C12orf76: variants seen among roughly 807,000 people sequenced by gnomAD.
C12orf76 encodes the protein chromosome 12 open reading frame 76, also known as uncharacterized protein C12orf76.
In C12orf76, 6 loss-of-function variants were observed where a neutral mutation model predicts 6.8. The observed-to-expected ratio is 0.88, with a 90% confidence interval of 0.48 to 1.73. C12orf76 has a LOEUF of 1.73. Among genes scored for constraint, C12orf76 ranks in the 40% most tolerant of loss-of-function variants. The probability of loss-of-function intolerance (pLI) is 0.01; values close to 1 mark genes in which losing one functional copy is unlikely to be tolerated. For synonymous variants in C12orf76, 56 were observed against 43.7 expected, an observed-to-expected ratio of 1.28 and a Z score of -1.11; for missense variants, 99 against 98.2, an observed-to-expected ratio of 1.01 and a Z score of -0.03.
At chr12:110,045,983 TA>T in intron 1 of C12orf76, 2 of 188,476 alleles carry the variant, frequency 1.1e-5, no homozygotes, top group Admixed American at 5.3e-5. Flanking sequence ...AAATAAAGTT[TA>T]AAAAGGAGCT....
intron 3 of C12orf76, among the ~76,000 whole-genome samples, chr12:110,058,065 CAAAAAAAA>C (rs59838926): frequency 5.1e-4 from 27 of 52,672 alleles, no homozygotes; most frequent in Admixed American, 4.9e-3. Flanking sequence ...GACTCGGTCT[CAAAAAAAA>C]AAAAAAAAAA....
At chr12:110,048,599 G>A, upstream of C12orf76, 2 of 1,317,454 alleles carry the variant, frequency 1.5e-6, no homozygotes, top group Non-Finnish European at 1.9e-6. Context: ...TAGGGCGCGC[G>A]TCATTGCCAT....
intron 1 of C12orf76, among the ~76,000 whole-genome samples, chr12:110,046,115 G>A (rs541569027): frequency 6.6e-6 from 1 of 152,054 alleles, no homozygotes; most frequent in East Asian, 1.9e-4. Flanking sequence ...CTGAATTGCA[G>A]GCCCAGGCAG....
At chr12:110,071,509 C>CTT (rs561969051), upstream of C12orf76, among the ~76,000 whole-genome samples, 1 of 151,032 alleles carries the variant, frequency 6.6e-6, no homozygotes, top group African/African-American at 2.4e-5. Context: ...CTCCTCATGC[C>CTT]TTTTTTTTTG....
intron 2 of C12orf76, among the ~76,000 whole-genome samples, chr12:110,064,950 T>A (rs544572831): frequency 1.3e-5 from 2 of 152,326 alleles, no homozygotes; most frequent in East Asian, 1.9e-4. Context: ...CAGCTTTTCA[T>A]AAGGCTATAG....
rs570716021 is a variant in C12orf76 at position 110,054,656 on chromosome 12, T to C, written n.664+2533A>G. On this transcript the variant is annotated intron_variant and non_coding_transcript_variant, in intron 4 of 4. Transcript: ENST00000309050. The surrounding 1 kb of genome is among the most constrained non-coding windows in gnomAD (Gnocchi z 4.4). ...GTTGCACACCTCTCTGAAATGCCAC[T>C]GAACTGTTCATGTTTACAGTGGTTA... Among the ~76,000 whole-genome samples the C allele has an allele frequency of 1.4e-4, 22 of 152,356 alleles. No individual in the cohort carries two copies. Among genetic ancestry groups the C allele is most frequent in the African/African-American group, 5.0e-4 (21 of 41,592 alleles).
At chr12:110,050,863 C>G, upstream of C12orf76, 1 of 612,020 alleles carries the variant, frequency 1.6e-6, no homozygotes, top group Non-Finnish European at 2.9e-6. Flanking sequence ...AGAACCCCCT[C>G]TTGGGGTCTG....
At chr12:110,065,261 C>T (rs1892839141) in intron 2 of C12orf76, among the ~76,000 whole-genome samples, 1 of 151,772 alleles carries the variant, frequency 6.6e-6, no homozygotes, top group African/African-American at 2.4e-5. Context: ...ACCTCCGCCT[C>T]CTGGATTCAA....
intron 2 of C12orf76, among the ~76,000 whole-genome samples, chr12:110,061,448 A>G (rs1349160565): frequency 6.6e-6 from 1 of 151,728 alleles, no homozygotes; most frequent in Non-Finnish European, 1.5e-5. Context: ...CAGCTTTCCT[A>G]TCTGGACAAC....
chr12:110,042,381 C>A lies in C12orf76; in HGVS notation c.212G>T (p.Arg71Leu), dbSNP rs371803112. Residue 71 changes from arginine (R) to leucine (L), a missense_variant, in exon 2 of 2, where the codon CGT becomes CTT. Coordinates refer to ENST00000615315, the MANE Select transcript of C12orf76 (RefSeq NM_001389625.1). ...GAAGAACTTGTCTGGCTGTCACCGA[C>A]GCCGAATGGGCTTGTAGACACAAAA... ...MAFCVYKPIR[R>L]R 1 of 1,613,608 alleles carries A rather than the reference C, an allele frequency of 6.2e-7. No homozygotes were observed. The highest frequency in any genetic ancestry group is 1.1e-5 in the South Asian group (1 of 91,080).
At chr12:110,052,294 AGTC>A (rs1048121607), upstream of C12orf76, among the ~76,000 whole-genome samples, 1 of 151,650 alleles carries the variant, frequency 6.6e-6, no homozygotes, top group African/African-American at 2.4e-5. Flanking sequence ...CCTCAGCTCA[AGTC>A]GATCCTCCCA....
At chr12:110,045,777 G>A in intron 1 of C12orf76, 1 of 151,990 alleles carries the variant, frequency 6.6e-6, no homozygotes, top group South Asian at 2.0e-4. Flanking sequence ...TGGCCAACAT[G>A]GAGAAACCCC....
chr12:110,051,316 T>C (rs1176435131), upstream of C12orf76: 2 of 700,044 alleles, frequency 2.9e-6, no homozygotes, highest in Non-Finnish European at 5.2e-6. Context: ...ATGGGAAGCA[T>C]AATCATACCT....
At chr12:110,058,992 A>G in exon 3 of C12orf76, 1 of 1,544,404 alleles carries the variant, frequency 6.5e-7, no homozygotes, top group Non-Finnish European at 8.7e-7. Context: ...TATTACCTCC[A>G]CCTAATAGCC....
upstream of C12orf76, chr12:110,049,224 A>G (rs1892532228): frequency 6.6e-6 from 1 of 152,274 alleles, no homozygotes; most frequent in Non-Finnish European, 1.5e-5. Flanking sequence ...AGAAACAACA[A>G]GGAAGTGAAA....
At chr12:110,043,342 G>A (rs777731457) in intron 1 of C12orf76, among the ~76,000 whole-genome samples, 3 of 151,228 alleles carry the variant, frequency 2.0e-5, no homozygotes, top group Non-Finnish European at 2.9e-5. Flanking sequence ...GGGGGCTGTA[G>A]GCAAAGGAAT....
intron 2 of C12orf76, among the ~76,000 whole-genome samples, chr12:110,060,209 A>G (rs1892746631): frequency 6.6e-6 from 1 of 152,166 alleles, no homozygotes; most frequent in East Asian, 1.9e-4. Flanking sequence ...CTGTGCAACA[A>G]GAGTGAAACT....
At chr12:110,059,124 A>G (rs371611891) in exon 3 of C12orf76, 31 of 1,549,976 alleles carry the variant, frequency 2.0e-5, no homozygotes, top group African/African-American at 1.2e-4. Flanking sequence ...GCTATGGTAA[A>G]TGGAATTATT....
intron 1 of C12orf76, among the ~76,000 whole-genome samples, chr12:110,047,829 G>C (rs906027905): frequency 3.0e-4 from 46 of 152,202 alleles, no homozygotes; most frequent in African/African-American, 1.1e-3. Context: ...ATAAATACTG[G>C]CTCCTCTGGG....
Sources: allele counts gnomAD v4.1 joint callset (sites outside exome capture counted in the v4.1 genomes callset), GRCh38; gene constraint gnomAD v4.1.1; non-coding constraint Gnocchi (gnomAD v3.1); transcripts MANE v1.5; gene names NCBI Gene and HGNC (gene_info 2026-07-23, HGNC 2026-07-21).